TENM4: variants seen among roughly 807,000 people sequenced by gnomAD.
The protein encoded by TENM4 is teneurin-4.
In TENM4, 82 loss-of-function variants were observed where a neutral mutation model predicts 243.3. The observed-to-expected ratio is 0.34, with a 90% CI of 0.28 to 0.40. TENM4 has a LOEUF of 0.40. Among genes scored for constraint, TENM4 ranks in the 10% least tolerant of loss-of-function variants. The pLI is 1.00. For synonymous variants in TENM4, 1,412 were observed against 1,456.3 expected, an observed-to-expected ratio of 0.97 and a Z score of 0.69; for missense variants, 3,138 against 3,673.3, an observed-to-expected ratio of 0.85 and a Z score of 3.77.
intron 3 of TENM4, among the ~76,000 whole-genome samples, chr11:79,163,806 TACAC>T (rs1555019966): frequency 7.0e-6 from 1 of 143,518 alleles, no homozygotes; most frequent in African/African-American, 2.6e-5. Flanking sequence ...CACATATATA[TACAC>T]ATATATATAC....
At chr11:78,854,759 G>T (rs1227969316) in intron 11 of TENM4, among the ~76,000 whole-genome samples, 1 of 152,160 alleles carries the variant, frequency 6.6e-6, no homozygotes, top group African/African-American at 2.4e-5. Flanking sequence ...GACTGGGATT[G>T]GAGCATTGGA....
chr11:79,388,834 G>A (rs1230929153), intron 1 of TENM4, among the ~76,000 whole-genome samples: 1 of 152,154 alleles, frequency 6.6e-6, no homozygotes, highest in African/African-American at 2.4e-5. Context: ...GAGAGGAGAG[G>A]GCATCTTCCT....
intron 1 of TENM4, among the ~76,000 whole-genome samples, chr11:79,386,567 G>A (rs1222382084): frequency 2.0e-5 from 3 of 151,920 alleles, no homozygotes; most frequent in African/African-American, 7.3e-5. Flanking sequence ...GAAAAAAGCA[G>A]ACAACCTGAT....
intron 6 of TENM4, among the ~76,000 whole-genome samples, chr11:79,016,665 T>G (rs1858782820): frequency 1.3e-5 from 2 of 152,152 alleles, no homozygotes; most frequent in South Asian, 4.1e-4. Flanking sequence ...TTAAATAACA[T>G]AACAGGTAAT....
chr11:79,195,438 GC>G (rs1322798921), intron 3 of TENM4, among the ~76,000 whole-genome samples: 7 of 152,196 alleles, frequency 4.6e-5, no homozygotes, highest in Admixed American at 2.0e-4. Context: ...CAGGAGGAAG[GC>G]TGTACCCTGC....
chr11:79,389,188 C>T (rs985653585), intron 1 of TENM4, among the ~76,000 whole-genome samples: 1 of 152,196 alleles, frequency 6.6e-6, no homozygotes, highest in Non-Finnish European at 1.5e-5. Flanking sequence ...GAAGGTCTCA[C>T]TCCATCCCCC....
chr11:78,833,007 C>T, intron 12 of TENM4, among the ~76,000 whole-genome samples: 1 of 152,166 alleles, frequency 6.6e-6, no homozygotes, highest in Admixed American at 6.5e-5. Flanking sequence ...ATAAGCCATC[C>T]AAATGCACGG....
At chr11:79,352,587 A>T (rs1857432287) in intron 1 of TENM4, among the ~76,000 whole-genome samples, 1 of 152,160 alleles carries the variant, frequency 6.6e-6, no homozygotes, top group Non-Finnish European at 1.5e-5. Flanking sequence ...CATGACCCCC[A>T]TGGAAGATTA....
At chr11:79,104,909 G>A (rs1328066537) in intron 4 of TENM4, among the ~76,000 whole-genome samples, 6 of 152,202 alleles carry the variant, frequency 3.9e-5, no homozygotes, top group South Asian at 2.1e-4. Flanking sequence ...CCCTTGTGAA[G>A]TTTCTAAGCC....
At chr11:79,213,777 A>T (rs17755365) in intron 3 of TENM4, among the ~76,000 whole-genome samples, 5,212 of 152,228 alleles carry the variant, frequency 0.034, 168 homozygotes, top group Non-Finnish European at 0.047. Flanking sequence ...TTTAACTTTC[A>T]TGTCACTATT....
chr11:78,798,718 T>C (rs767959007), intron 15 of TENM4, among the ~76,000 whole-genome samples: 2 of 152,046 alleles, frequency 1.3e-5, no homozygotes, highest in African/African-American at 2.4e-5. Context: ...TCTCTACTTG[T>C]GCACACGCTG....
At chr11:78,991,696 C>G (rs1213664649) in intron 6 of TENM4, among the ~76,000 whole-genome samples, 1 of 152,212 alleles carries the variant, frequency 6.6e-6, no homozygotes, top group African/African-American at 2.4e-5. Context: ...TGCAGGGAGA[C>G]CAGGTGGCAC....
At chr11:79,414,936 G>A (rs1590949727) in intron 1 of TENM4, among the ~76,000 whole-genome samples, 2 of 152,182 alleles carry the variant, frequency 1.3e-5, no homozygotes, top group South Asian at 4.1e-4. Flanking sequence ...AGCTGACCTT[G>A]CCACCGTTCT....
chr11:79,125,355 T>G (rs1052122336), intron 4 of TENM4, among the ~76,000 whole-genome samples: 1 of 152,128 alleles, frequency 6.6e-6, no homozygotes, highest in Non-Finnish European at 1.5e-5. Flanking sequence ...CAGAAGCAGA[T>G]AGTGAGCCTC....
At chr11:79,323,682 G>A (rs1856928392) in intron 1 of TENM4, among the ~76,000 whole-genome samples, 1 of 152,184 alleles carries the variant, frequency 6.6e-6, no homozygotes, top group Admixed American at 6.5e-5. Flanking sequence ...CTTCCATAAT[G>A]TGGGTAGATT....
At chr11:79,279,581 C>T (rs1206203378) in intron 2 of TENM4, among the ~76,000 whole-genome samples, 1 of 152,160 alleles carries the variant, frequency 6.6e-6, no homozygotes, top group Non-Finnish European at 1.5e-5. Flanking sequence ...TTATAGCCTG[C>T]CTTCCAGGGT....
At chr11:79,161,425 A>T (rs889176275) in intron 3 of TENM4, among the ~76,000 whole-genome samples, 1 of 152,240 alleles carries the variant, frequency 6.6e-6, no homozygotes, top group Non-Finnish European at 1.5e-5. Flanking sequence ...TGTAATTAAA[A>T]GATTGATATA....
intron 6 of TENM4, among the ~76,000 whole-genome samples, chr11:78,954,196 G>T (rs1857162898): frequency 6.6e-6 from 1 of 152,200 alleles, no homozygotes; most frequent in Admixed American, 6.5e-5. Context: ...TGATGACAGG[G>T]GCAGAGGGCA....
chr11:79,029,309 C>T (rs1310895762), intron 6 of TENM4, among the ~76,000 whole-genome samples: 1 of 152,186 alleles, frequency 6.6e-6, no homozygotes, highest in African/African-American at 2.4e-5. Flanking sequence ...CAATCTTTCC[C>T]CTGGCCTCCT....
Sources: allele counts gnomAD v4.1 joint callset (sites outside exome capture counted in the v4.1 genomes callset), GRCh38; gene constraint gnomAD v4.1.1; transcripts MANE v1.5; gene names NCBI Gene and HGNC (gene_info 2026-07-23, HGNC 2026-07-21).